Variants in SNTG2 observed in about 807,000 individuals in gnomAD.
SNTG2 encodes the protein gamma-2-syntrophin.
A neutral mutation model predicts 70.9 loss-of-function variants in SNTG2; 74 were observed. That is an observed-to-expected ratio of 1.04 (90% CI 0.86 to 1.27). SNTG2 has a LOEUF of 1.27. Ranked by LOEUF, SNTG2 falls within the 50% of genes most tolerant of loss-of-function variation. SNTG2 has a pLI of 0.00. For synonymous variants in SNTG2, 278 were observed against 273.8 expected (o/e 1.02, Z -0.15); for missense variants, 717 against 690.7 (o/e 1.04, Z -0.43).
intron 2 of SNTG2, among the ~76,000 whole-genome samples, chr2:1,089,526 T>C (rs888548983): frequency 2.6e-4 from 40 of 152,164 alleles, no homozygotes; most frequent in African/African-American, 9.4e-4. Flanking sequence ...TCCCAGCTAC[T>C]CAGGAGGCTG....
intron 13 of SNTG2, among the ~76,000 whole-genome samples, chr2:1,266,478 G>A (rs187886173): frequency 6.6e-6 from 1 of 152,180 alleles, no homozygotes; most frequent in Non-Finnish European, 1.5e-5. Flanking sequence ...ACCAGAAATG[G>A]AACAACATCA....
At chr2:1,014,926 G>T in intron 1 of SNTG2, among the ~76,000 whole-genome samples, 1 of 152,096 alleles carries the variant, frequency 6.6e-6, no homozygotes, top group African/African-American at 2.4e-5. Flanking sequence ...GAACTGGCTA[G>T]AACCCGAGGG....
intron 1 of SNTG2, among the ~76,000 whole-genome samples, chr2:983,697 C>T (rs1661207956): frequency 6.6e-6 from 1 of 152,178 alleles, no homozygotes; most frequent in Non-Finnish European, 1.5e-5. Context: ...GATTCATGTC[C>T]CTGGTTGGAT....
chr2:1,016,377 G>A (rs1572224773), intron 1 of SNTG2, among the ~76,000 whole-genome samples: 1 of 152,316 alleles, frequency 6.6e-6, no homozygotes, highest in East Asian at 1.9e-4. Context: ...GGGTAGCTGA[G>A]ATTACAGGCG....
intron 4 of SNTG2, among the ~76,000 whole-genome samples, chr2:1,116,624 T>C (rs1206876182): frequency 2.0e-5 from 3 of 146,660 alleles, no homozygotes; most frequent in African/African-American, 5.1e-5. Flanking sequence ...GTGGGTGCTC[T>C]GGTGTGTGGG....
intron 14 of SNTG2, among the ~76,000 whole-genome samples, chr2:1,291,251 C>T (rs775614023): frequency 2.0e-5 from 3 of 152,164 alleles, no homozygotes; most frequent in African/African-American, 4.8e-5. Context: ...GTATTCTAGA[C>T]ATCAACCCCT....
At position 1,139,236 on chromosome 2, in the gene SNTG2, TCA is replaced by T. The variant is rs1241098845; in HGVS notation, c.411+1428_411+1429del. 3.3e-5 allele frequency among the ~76,000 whole-genome samples: 5 copies of T among 151,618 alleles called. 1 individual carries two copies. The highest frequency in any genetic ancestry group is 7.4e-5 in the Non-Finnish European group (5 of 67,748). On this transcript the variant is annotated intron_variant, in intron 6 of 16. Coordinates refer to ENST00000308624, the MANE Select transcript of SNTG2 (RefSeq NM_018968.4). The stretch of plus-strand genomic sequence containing the variant: ...TTTTTGTTTGTTTGTTTGTTTTGTT[TCA>T]TTTTGTTTTTGAGACAGAGTCTTGT...
chr2:1,132,536 T>G (rs1349153666), intron 4 of SNTG2, among the ~76,000 whole-genome samples: 2 of 151,990 alleles, frequency 1.3e-5, no homozygotes, highest in Non-Finnish European at 2.9e-5. Flanking sequence ...TTTGATTATG[T>G]GTCAAAAGAT....
At chr2:1,185,774 G>A (rs1672207874) in intron 8 of SNTG2, among the ~76,000 whole-genome samples, 1 of 152,216 alleles carries the variant, frequency 6.6e-6, no homozygotes, top group Non-Finnish European at 1.5e-5. Context: ...CTAGGTCTGT[G>A]ATGGGATGGA....
chr2:1,284,424 G>A (rs545528173), intron 14 of SNTG2, among the ~76,000 whole-genome samples: 6 of 152,180 alleles, frequency 3.9e-5, no homozygotes, highest in Admixed American at 6.5e-5. Context: ...TGGGATGCGA[G>A]CTCGGTGATG....
chr2:1,090,581 G>A (rs144350322), intron 2 of SNTG2, among the ~76,000 whole-genome samples: 41 of 152,240 alleles, frequency 2.7e-4, no homozygotes, highest in African/African-American at 7.9e-4. Flanking sequence ...TGCAAGGGCC[G>A]GTGGGTGACT....
chr2:1,223,243 T>C (rs1438573955), intron 9 of SNTG2, among the ~76,000 whole-genome samples: 142 of 104,530 alleles, frequency 1.4e-3, no homozygotes, highest in Admixed American at 2.0e-3. Flanking sequence ...AGGTGCTGGA[T>C]CGCTGTAGAG....
At chr2:1,258,585 G>A (rs779676640) in intron 12 of SNTG2, among the ~76,000 whole-genome samples, 6 of 152,188 alleles carry the variant, frequency 3.9e-5, no homozygotes, top group Non-Finnish European at 8.8e-5. Context: ...GATAATTTCA[G>A]TGTTTCAAAG....
At chr2:1,106,118 ATAGTGGACACCT>A (rs1666123114) in intron 4 of SNTG2, among the ~76,000 whole-genome samples, 6 of 131,026 alleles carry the variant, frequency 4.6e-5, no homozygotes, top group African/African-American at 1.5e-4. Context: ...CTCCTTGGTA[ATAGTGGACACCT>A]GCTGTCACTC....
At chr2:979,828 G>T (rs1036180225) in intron 1 of SNTG2, among the ~76,000 whole-genome samples, 2 of 151,916 alleles carry the variant, frequency 1.3e-5, no homozygotes, top group African/African-American at 4.8e-5. Context: ...CACATTGAAT[G>T]TCCACAGAGA....
At chr2:977,849 G>T (rs975454385) in intron 1 of SNTG2, among the ~76,000 whole-genome samples, 1 of 152,018 alleles carries the variant, frequency 6.6e-6, no homozygotes, top group Admixed American at 6.6e-5. Flanking sequence ...GAGCCTTCCC[G>T]CCTCGTGCCA....
chr2:1,290,811 A>AATC (rs34999039), intron 14 of SNTG2, among the ~76,000 whole-genome samples: 20,299 of 152,198 alleles, frequency 0.13, 1,784 homozygotes, highest in Non-Finnish European at 0.2. Context: ...TGGGTGTACA[A>AATC]ATCATCTTGT....
intron 9 of SNTG2, among the ~76,000 whole-genome samples, chr2:1,225,508 G>A (rs1342253966): frequency 1.3e-5 from 2 of 152,266 alleles, no homozygotes; most frequent in African/African-American, 2.4e-5. Flanking sequence ...GTGGAATTGC[G>A]CATCCTTGTG....
At chr2:1,222,266 C>G (rs73173552) in intron 9 of SNTG2, among the ~76,000 whole-genome samples, 1 of 152,144 alleles carries the variant, frequency 6.6e-6, no homozygotes, top group Non-Finnish European at 1.5e-5. Flanking sequence ...AAGGGATTAG[C>G]GCCCTGTCTA....
Sources: gnomAD v4.1 joint callset for allele counts (sites outside exome capture counted in the v4.1 genomes callset) on GRCh38, gnomAD v4.1.1 for gene constraint, MANE v1.5 for transcripts, NCBI Gene and HGNC (gene_info 2026-07-23, HGNC 2026-07-21) for gene names.